TPCN2: variants seen among roughly 807,000 people sequenced by gnomAD.
The protein encoded by TPCN2 is two pore channel protein 2.
In TPCN2, 92 loss-of-function variants were observed where a neutral mutation model predicts 111.4. That is an observed-to-expected ratio of 0.83 (90% confidence interval 0.70 to 0.98). The LOEUF (loss-of-function observed/expected upper bound fraction) is 0.98. Among genes scored for constraint, TPCN2 ranks in the 50% least tolerant of loss-of-function variants. The pLI, the probability that TPCN2 is intolerant of heterozygous loss-of-function variation, is 0.00. For missense variants in TPCN2, 995 were observed against 980.1 expected (o/e 1.02, Z -0.20); for synonymous variants, 405 against 414.5 (o/e 0.98, Z 0.28).
At chr11:69,052,385 G>A (rs1347597510) in intron 1 of TPCN2, among the ~76,000 whole-genome samples, 1 of 152,056 alleles carries the variant, frequency 6.6e-6, no homozygotes, top group African/African-American at 2.4e-5. Flanking sequence ...TTGACTTCTG[G>A]GCTCTGCAGA....
chr11:69,072,145 C>T, intron 11 of TPCN2, 122 bp downstream of exon 11: 1 of 792,174 alleles, frequency 1.3e-6, no homozygotes, highest in Non-Finnish European at 2.0e-6. Flanking sequence ...CTGGCTGGCA[C>T]CCGACTCATG....
At chr11:69,070,551 C>A in intron 9 of TPCN2, 56 bp downstream of exon 9, 1 of 1,344,118 alleles carries the variant, frequency 7.4e-7, no homozygotes, top group Non-Finnish European at 1.0e-6. Context: ...AGCTCAGGGA[C>A]CGATACACCC....
rs542517248 is a variant in TPCN2 at position 69,057,525 on chromosome 11, G to A, written c.430-53G>A. 3 of 1,529,552 alleles carry A rather than the reference G, an allele frequency of 2.0e-6. No individual in the cohort carries two copies. In the African/African-American group the frequency reaches 4.1e-5, roughly 21 times the overall value. 94.7% of individuals were successfully genotyped at this position (1,529,552 alleles called of 1,614,324 possible). ...CGCTGCGCACCGTCATTCTCTGGCT[G>A]CAGGGCCAGCGTGTGGGGCTACTTG... On this transcript the variant is annotated intron_variant, in intron 4 of 24. Coordinates refer to ENST00000294309, the MANE Select transcript of TPCN2 (RefSeq NM_139075.4).
At chr11:69,073,377 C>T (rs1388531091) in intron 13 of TPCN2, among the ~76,000 whole-genome samples, 2 of 152,250 alleles carry the variant, frequency 1.3e-5, no homozygotes, top group African/African-American at 2.4e-5. Flanking sequence ...TGGGCCTCAG[C>T]ATCCGACTAA....
At chr11:69,058,499 A>C (rs1411947737) in intron 5 of TPCN2, among the ~76,000 whole-genome samples, 3 of 141,374 alleles carry the variant, frequency 2.1e-5, no homozygotes, top group Non-Finnish European at 3.1e-5. Flanking sequence ...CCAGAAGCTC[A>C]ATGAGGTTGG....
intron 13 of TPCN2, among the ~76,000 whole-genome samples, chr11:69,074,271 C>T (rs1412002477): frequency 1.3e-5 from 2 of 152,242 alleles, no homozygotes; most frequent in African/African-American, 2.4e-5. Context: ...CGTCCCCATC[C>T]TCACTTCGGG....
chr11:69,063,195 C>T (rs1250544857), intron 6 of TPCN2, among the ~76,000 whole-genome samples: 1 of 151,756 alleles, frequency 6.6e-6, no homozygotes, highest in Non-Finnish European at 1.5e-5. Context: ...CTCCCAGCAG[C>T]CTTCGAGCTA....
chr11:69,064,053 G>A (rs1397707965), intron 7 of TPCN2, 86 bp downstream of exon 7: 8 of 1,339,988 alleles, frequency 6.0e-6, no homozygotes, highest in Non-Finnish European at 8.5e-6. Context: ...CTGCTGCCCT[G>A]GCCTAACCCA....
chr11:69,068,266 G>T (rs1855362805), intron 8 of TPCN2, among the ~76,000 whole-genome samples: 1 of 151,614 alleles, frequency 6.6e-6, no homozygotes, highest in Admixed American at 6.6e-5. Flanking sequence ...TGACCGCAGT[G>T]GGAGCAGGAC....
At chr11:69,080,316 C>T (rs545720599) in intron 17 of TPCN2, among the ~76,000 whole-genome samples, 4 of 152,362 alleles carry the variant, frequency 2.6e-5, no homozygotes, top group Admixed American at 2.0e-4. Context: ...CTTGAGTCAT[C>T]GCCTCCCACT....
chr11:69,087,821 C>A, intron 24 of TPCN2, 54 bp from the exon 25 acceptor site: 1 of 1,473,428 alleles, frequency 6.8e-7, no homozygotes, highest in Non-Finnish European at 9.4e-7. Flanking sequence ...TGTGGGCAGG[C>A]CAGGGTCTCC....
intron 2 of TPCN2, chr11:69,054,396 G>C: frequency 1.8e-6 from 1 of 566,436 alleles, no homozygotes; most frequent in Non-Finnish European, 3.2e-6. Flanking sequence ...CACGGGGCGT[G>C]GGAGGGTCAG....
intron 16 of TPCN2, 24 bp from the exon 17 acceptor site, chr11:69,079,810 C>G: frequency 6.2e-7 from 1 of 1,611,854 alleles, no homozygotes; most frequent in Non-Finnish European, 8.5e-7. Flanking sequence ...TGTAGCGAAG[C>G]CTTCTTTTCT....
chr11:69,085,097 C>CAG, intron 19 of TPCN2, 113 bp from the exon 20 acceptor site: 1 of 1,054,324 alleles, frequency 9.5e-7, no homozygotes, highest in South Asian at 1.3e-5. Flanking sequence ...CAGCCCTGGG[C>CAG]AGAGGGTCCT....
chr11:69,084,453 C>T (rs193048614), intron 19 of TPCN2, among the ~76,000 whole-genome samples: 27 of 152,360 alleles, frequency 1.8e-4, no homozygotes, highest in Admixed American at 1.5e-3. Flanking sequence ...CTCACAGCCA[C>T]ATTTGCTGAG....
At chr11:69,083,837 T>TGGCCTGC in intron 18 of TPCN2, 108 bp from the exon 19 acceptor site, 1 of 989,864 alleles carries the variant, frequency 1.0e-6, no homozygotes, top group Non-Finnish European at 1.6e-6. Flanking sequence ...TGGTGGTCAT[T>TGGCCTGC]GGCCTGCCCC....
chr11:69,086,609 C>T lies in TPCN2; in HGVS notation c.2085+5C>T, dbSNP rs1302143223. ...TTTCTGGCCCTGATTCTGGAGGTAT[C>T]AGAGATCCCCACCCAGGCTGTTCTC... is the stretch of plus-strand genomic sequence containing the variant. On this transcript the variant is annotated splice_donor_5th_base_variant and intron_variant, in intron 23 of 24. Transcript: ENST00000294309. 2 of 1,613,356 alleles carry T rather than the reference C, an allele frequency of 1.2e-6. No individual in the cohort carries two copies. Among genetic ancestry groups the T allele is most frequent in the Non-Finnish European group, 1.7e-6 (2 of 1,179,312 alleles).
intron 1 of TPCN2, among the ~76,000 whole-genome samples, chr11:69,051,438 G>T (rs1185752708): frequency 6.6e-6 from 1 of 152,234 alleles, no homozygotes; most frequent in African/African-American, 2.4e-5. Flanking sequence ...TTGGGTGGGG[G>T]TCCATGAGGA....
chr11:69,080,913 C>G (rs1393589587), intron 17 of TPCN2, among the ~76,000 whole-genome samples: 1 of 152,134 alleles, frequency 6.6e-6, no homozygotes, highest in Non-Finnish European at 1.5e-5. Flanking sequence ...ATGAGGGATG[C>G]CAAGCGGGGC....
Sources: gnomAD v4.1 joint callset for allele counts (sites outside exome capture counted in the v4.1 genomes callset) on GRCh38, gnomAD v4.1.1 for gene constraint, MANE v1.5 for transcripts, NCBI Gene and HGNC (gene_info 2026-07-23, HGNC 2026-07-21) for gene names.